DICER1: variants seen among roughly 807,000 people sequenced by gnomAD.
DICER1 encodes endoribonuclease Dicer.
Under a neutral mutation model 194.1 loss-of-function variants are expected in DICER1, and 43 were observed. The ratio of observed to expected loss-of-function variants is 0.22; its 90% CI spans 0.17 to 0.29. The LOEUF (loss-of-function observed/expected upper bound fraction) is 0.29, where lower values mean the gene tolerates loss of function less well. DICER1 is among the 10% of genes least tolerant of loss of function. The pLI is 1.00. For missense variants in DICER1, 1,608 were observed against 2,317.0 expected (o/e 0.69, Z 6.28); for synonymous variants, 832 against 820.5 (o/e 1.01, Z -0.24).
chr14:95,112,742 T>A (rs564384384), intron 12 of DICER1, among the ~76,000 whole-genome samples: 63 of 152,206 alleles, frequency 4.1e-4, no homozygotes, highest in Non-Finnish European at 7.8e-4. Flanking sequence ...AAGTTTTATA[T>A]TACTCTAAGT....
At chr14:95,119,622 CA>C (rs1446936363) in intron 8 of DICER1, among the ~76,000 whole-genome samples, 3 of 150,084 alleles carry the variant, frequency 2.0e-5, no homozygotes, top group Non-Finnish European at 4.5e-5. Flanking sequence ...TCAGTTTATA[CA>C]AGCTGTTCAC....
At position 95,107,691 on chromosome 14, in the gene DICER1, T is replaced by G; in HGVS notation, c.2721A>C (p.Ile907=). The G allele has an allele frequency of 6.2e-7, 1 of 1,613,618 alleles. No homozygotes were observed. Among genetic ancestry groups the G allele is most frequent in the Non-Finnish European group, 8.5e-7 (1 of 1,179,478 alleles). The part of the protein sequence containing the change: ...MEDIEKSEAR[I]GIPSTKYTKE... ...TTGTATACTTTGTACTGGGAATGCCTATGCGAGCTTCAGACTTCTCAATAT... is the reference window on the plus strand; with the variant it reads ...TTGTATACTTTGTACTGGGAATGCCGATGCGAGCTTCAGACTTCTCAATAT... The change falls in exon 17 of 27, where the codon ATA becomes ATC. Residue 907 remains isoleucine (I), a synonymous_variant. Coordinates refer to ENST00000343455, the MANE Select transcript of DICER1 (RefSeq NM_177438.3).
intron 1 of DICER1, among the ~76,000 whole-genome samples, chr14:95,139,669 T>A (rs1257810021): frequency 6.6e-6 from 1 of 152,218 alleles, no homozygotes; most frequent in African/African-American, 2.4e-5. Flanking sequence ...CTCATGAATG[T>A]CCACACAATA....
Position 95,106,972 on chromosome 14 carries a change from AC to A in DICER1, c.2804+635del, listed in dbSNP as rs202014117. On this transcript the variant is annotated intron_variant, in intron 17 of 26. Coordinates refer to ENST00000343455, the MANE Select transcript of DICER1 (RefSeq NM_177438.3). ...TACAAAGGAAAATTCCTTATCTATA[AC>A]GTTTTAGGTATTATTTTTTAAGCAA... Among the ~76,000 whole-genome samples the A allele has an allele frequency of 6.8e-4, 104 of 152,282 alleles. No individual in the cohort carries two copies. In the East Asian group the frequency reaches 0.018, roughly 26 times the overall value.
At position 95,103,343 on chromosome 14, in the gene DICER1, T is replaced by C. The variant is rs1187484333; in HGVS notation, c.4050+3A>G. ...TGCTCAAAATAAAAAAATCATCTCT[T>C]ACCTTTTTGCTTCTCATATATGAAA... is the stretch of plus-strand genomic sequence containing the variant. On this transcript the variant is annotated splice_donor_region_variant and intron_variant, in intron 21 of 26. Coordinates refer to ENST00000343455, the MANE Select transcript of DICER1 (RefSeq NM_177438.3). 6.2e-7 allele frequency: 1 copy of C among 1,613,964 alleles called. No individual in the cohort carries two copies. The highest frequency in any genetic ancestry group is 8.5e-7 in the Non-Finnish European group (1 of 1,179,812).
intron 6 of DICER1, among the ~76,000 whole-genome samples, chr14:95,127,090 CCA>C (rs961497686): frequency 6.6e-6 from 1 of 152,206 alleles, no homozygotes; most frequent in Non-Finnish European, 1.5e-5. Context: ...CTAACTGAAT[CCA>C]CACACAGGGA....
rs753857234 is a variant in DICER1, at chr14:95,107,775, A to G, written c.2651-14T>C. 1.9e-6 allele frequency: 2 copies of G among 1,071,240 alleles called. No individual in the cohort carries two copies. The highest frequency in any genetic ancestry group is 3.2e-5 in the East Asian group (1 of 30,820). 66.4% of individuals were successfully genotyped at this position (1,071,240 alleles called of 1,614,324 possible). A position where few individuals can be genotyped will look rare whatever the true frequency, so the allele number is the denominator to read the frequency against. On this transcript the variant is annotated splice_polypyrimidine_tract_variant and intron_variant, in intron 16 of 26. Coordinates refer to ENST00000343455, the MANE Select transcript of DICER1 (RefSeq NM_177438.3). ...TGGAGTCATTAACTTAGAAGAGAAA[A>G]ACGACTCTTTAGCTTGTTAAAACAT...
Position 95,132,690 on chromosome 14 carries a change from T to TG in DICER1, c.145-14dup, listed in dbSNP as rs754913538. The TG allele has an allele frequency of 1.3e-5, 21 of 1,613,224 alleles. No homozygotes were observed. The highest frequency in any genetic ancestry group is 4.5e-5 in the East Asian group (2 of 44,818). Reference sequence around the variant, plus strand: ...CAAGCAGTTCAACCTAGAAACATGGTGAAAAAAAAGTTATGCACTTCTTAC... The same window carrying TG: ...CAAGCAGTTCAACCTAGAAACATGGTGGAAAAAAAAGTTATGCACTTCTTAC... On this transcript the variant is annotated splice_polypyrimidine_tract_variant and intron_variant, in intron 2 of 26. Coordinates refer to ENST00000343455, the MANE Select transcript of DICER1 (RefSeq NM_177438.3).
intron 2 of DICER1, 81 bp from the exon 3 acceptor site, chr14:95,132,758 G>A: frequency 7.3e-7 from 1 of 1,360,968 alleles, no homozygotes; most frequent in East Asian, 2.4e-5. Context: ...TTTAAATCAG[G>A]AAATTTCACT....
intron 1 of DICER1, among the ~76,000 whole-genome samples, chr14:95,141,917 T>G (rs576700467): frequency 6.6e-6 from 1 of 152,188 alleles, no homozygotes; most frequent in African/African-American, 2.4e-5. Context: ...TATGTTCTAA[T>G]ACAGCCAGGA....
At chr14:95,112,911 C>T (rs942881139) in intron 12 of DICER1, among the ~76,000 whole-genome samples, 181 bp downstream of exon 12, 1 of 152,184 alleles carries the variant, frequency 6.6e-6, no homozygotes, top group African/African-American at 2.4e-5. Flanking sequence ...ATCTATAAAT[C>T]TACTTTTGAA....
At chr14:95,135,432 C>G (rs1566819053) in intron 1 of DICER1, among the ~76,000 whole-genome samples, 2 of 152,140 alleles carry the variant, frequency 1.3e-5, no homozygotes, top group African/African-American at 2.4e-5. Flanking sequence ...CAGGAACCAG[C>G]AGCACCCCCT....
intron 1 of DICER1, 39 bp downstream of exon 1, chr14:95,157,191 G>T (rs926126753): frequency 2.0e-5 from 3 of 150,180 alleles, no homozygotes; most frequent in African/African-American, 2.4e-5. Flanking sequence ...CCCGCTCCCC[G>T]CCCCGGACAC....
chr14:95,111,716 A>T (rs1336998038), intron 13 of DICER1, among the ~76,000 whole-genome samples: 1 of 152,058 alleles, frequency 6.6e-6, no homozygotes. Flanking sequence ...ATCACCACAT[A>T]TCAATGCTAA....
chr14:95,131,911 C>T (rs1458341219), intron 3 of DICER1, among the ~76,000 whole-genome samples: 1 of 152,170 alleles, frequency 6.6e-6, no homozygotes, highest in Non-Finnish European at 1.5e-5. Flanking sequence ...AGCCACCCTC[C>T]TGTTTTCTTC....
At chr14:95,132,923 T>C (rs1894080237) in intron 2 of DICER1, among the ~76,000 whole-genome samples, 1 of 152,222 alleles carries the variant, frequency 6.6e-6, no homozygotes, top group African/African-American at 2.4e-5. Flanking sequence ...TTAAGCATTA[T>C]TTTTGTATAC....
intron 10 of DICER1, 127 bp downstream of exon 10, chr14:95,116,326 A>C: frequency 1.7e-6 from 2 of 1,162,848 alleles, no homozygotes; most frequent in Non-Finnish European, 2.5e-6. Flanking sequence ...CACAGAGTAC[A>C]CCTCTTTTGA....
rs1893220138 is a variant in DICER1 at position 95,124,443 on chromosome 14, C to T, written c.1129G>A (p.Val377Ile). Reference protein sequence around the residue: ...SLDLKFVTPKVIKLLEILRKY... With the variant: ...SLDLKFVTPKIIKLLEILRKY... ...CGTAAGATTTCGAGCAGTTTGATTA[C>T]TTTAGGAGTTACAAATTTCAGGTCA... The change falls in exon 8 of 27, where the codon GTA becomes ATA. Residue 377 changes from valine (V) to isoleucine (I), a missense_variant. Val to Ile is a conservative substitution (Grantham distance 29). Coordinates refer to ENST00000343455, the MANE Select transcript of DICER1 (RefSeq NM_177438.3). The surrounding 1 kb of genome is among the most constrained non-coding windows in gnomAD (Gnocchi z 4.5). 2 of 1,614,128 alleles carry T rather than the reference C, an allele frequency of 1.2e-6. No homozygotes were observed. The highest frequency in any genetic ancestry group is 8.5e-7 in the Non-Finnish European group (1 of 1,180,006).
intron 1 of DICER1, among the ~76,000 whole-genome samples, chr14:95,156,455 G>A (rs957227239): frequency 6.6e-6 from 1 of 152,204 alleles, no homozygotes; most frequent in Non-Finnish European, 1.5e-5. Flanking sequence ...CGTTTCCGCG[G>A]ATCTTCAGGT....
Sources: gnomAD v4.1 joint callset for allele counts (sites outside exome capture counted in the v4.1 genomes callset) on GRCh38, gnomAD v4.1.1 for gene constraint, Gnocchi (gnomAD v3.1) non-coding constraint, MANE v1.5 for transcripts, NCBI Gene and HGNC (gene_info 2026-07-23, HGNC 2026-07-21) for gene names.